Variants in PGBD5 observed in about 807,000 individuals in gnomAD.
PGBD5 encodes piggyBac transposable element derived 5, also known as piggyBac transposable element-derived protein 5.
Under a neutral mutation model 47.9 loss-of-function variants are expected in PGBD5, and 14 were observed. The observed-to-expected ratio is 0.29, with a 90% CI of 0.19 to 0.46. The LOEUF (loss-of-function observed/expected upper bound fraction) is 0.46, where lower values mean the gene tolerates loss of function less well. Ranked by LOEUF, PGBD5 falls within the 20% of genes least tolerant of loss-of-function variation. PGBD5 has a pLI of 1.00. For synonymous variants in PGBD5, 316 were observed against 306.3 expected (o/e 1.03, Z -0.33); for missense variants, 635 against 716.0 (o/e 0.89, Z 1.29).
chr1:230,403,357 A>C (rs1657190689), intron 1 of PGBD5, among the ~76,000 whole-genome samples: 1 of 152,226 alleles, frequency 6.6e-6, no homozygotes, highest in Non-Finnish European at 1.5e-5. Flanking sequence ...TATCTGAGTG[A>C]AGATGGTTGA....
At position 230,325,302 on chromosome 1, in the gene PGBD5, C is replaced by A; in HGVS notation, c.1379+8G>T. 1 of 1,605,866 alleles carries A rather than the reference C, an allele frequency of 6.2e-7. No homozygotes were observed. Among genetic ancestry groups the A allele is most frequent in the East Asian group, 2.2e-5 (1 of 44,588 alleles). On this transcript the variant is annotated splice_region_variant and intron_variant, in intron 6 of 6. Coordinates refer to ENST00000391860, the MANE Select transcript of PGBD5 (RefSeq NM_001258311.2). ...GCCCTTCTGTCATGGAGGTGCCCAG[C>A]CACTTACTTGCTGTATTTGTCATCG...
chr1:230,411,139 C>T lies in PGBD5; in HGVS notation c.331+14459G>A, dbSNP rs114777391. Among the ~76,000 whole-genome samples, 1,101 of 152,140 alleles carry T rather than the reference C, an allele frequency of 7.2e-3. 14 individuals are homozygous for T. The highest frequency in any genetic ancestry group is 0.025 in the African/African-American group (1,047 of 41,522). On this transcript the variant is annotated intron_variant, in intron 1 of 6. Transcript: ENST00000391860. ...AAAATTAAGGAAAAAAAAAATTAGT[C>T]AGGTATGGTGGCACACGCCTGTAGT... is the stretch of plus-strand genomic sequence containing the variant.
At chr1:230,344,439 T>A (rs1667448937) in intron 3 of PGBD5, among the ~76,000 whole-genome samples, 1 of 152,242 alleles carries the variant, frequency 6.6e-6, no homozygotes, top group African/African-American at 2.4e-5. Context: ...ACTTGCCTCT[T>A]AAGGCCCTTG....
chr1:230,405,533 T>C (rs1302648230), intron 1 of PGBD5, among the ~76,000 whole-genome samples: 2 of 152,268 alleles, frequency 1.3e-5, no homozygotes, highest in Non-Finnish European at 2.9e-5. Context: ...ATATTATTGG[T>C]AAAGCTTCCA....
chr1:230,397,713 A>T (rs1657035783), intron 1 of PGBD5, among the ~76,000 whole-genome samples: 1 of 152,210 alleles, frequency 6.6e-6, no homozygotes, highest in Non-Finnish European at 1.5e-5. Flanking sequence ...TAAGATGGTG[A>T]TCTCTTCCAC....
chr1:230,333,783 G>T (rs1480282857), intron 4 of PGBD5, among the ~76,000 whole-genome samples: 2 of 152,250 alleles, frequency 1.3e-5, no homozygotes, highest in Non-Finnish European at 2.9e-5. Flanking sequence ...GGTCTTTCAG[G>T]CCTGGAAGAC....
intron 1 of PGBD5, among the ~76,000 whole-genome samples, chr1:230,395,407 A>T (rs1350552916): frequency 2.0e-4 from 1 of 5,118 alleles, no homozygotes; most frequent in Non-Finnish European, 3.4e-4. Flanking sequence ...AGCTCCTCTC[A>T]CTCCCACCCT....
In PGBD5 at chr1:230,323,282, C is replaced by T; in HGVS notation, c.*143G>A. 1 of 888,544 alleles carries T rather than the reference C, an allele frequency of 1.1e-6. No individual in the cohort carries two copies. Among genetic ancestry groups the T allele is most frequent in the South Asian group, 1.7e-5 (1 of 57,820 alleles). The allele number at this position is 888,544 out of a possible 1,614,324, so 55.0% of individuals were successfully genotyped here. On this transcript the variant is annotated 3_prime_UTR_variant, in exon 7 of 7. Transcript: ENST00000391860. This position sits in a 1 kb window ranked among gnomAD's most constrained non-coding sequence, Gnocchi z 4.1. ...CAACCGTCCTCTGACCAGGTCCATCCTGTCCCTCCAGAGGCCCTGTGCATC... is the reference window on the plus strand; with the variant it reads ...CAACCGTCCTCTGACCAGGTCCATCTTGTCCCTCCAGAGGCCCTGTGCATC...
intron 1 of PGBD5, among the ~76,000 whole-genome samples, chr1:230,369,559 G>A (rs1347672698): frequency 6.6e-6 from 1 of 152,156 alleles, no homozygotes; most frequent in Non-Finnish European, 1.5e-5. Flanking sequence ...GCCCTGCTCT[G>A]ATTGACCCCA....
chr1:230,399,764 C>T (rs1321871536), intron 1 of PGBD5, among the ~76,000 whole-genome samples: 2 of 152,218 alleles, frequency 1.3e-5, no homozygotes, highest in African/African-American at 4.8e-5. Flanking sequence ...CAAAATGACG[C>T]CTATTTCTCC....
At chr1:230,422,740 CAG>C (rs2102757403) in intron 1 of PGBD5, among the ~76,000 whole-genome samples, 1 of 152,244 alleles carries the variant, frequency 6.6e-6, no homozygotes, top group African/African-American at 2.4e-5. Flanking sequence ...CGCTGAAAAA[CAG>C]AAGGAAAGGG....
chr1:230,335,758 T>TGC (rs1246086188), intron 4 of PGBD5, among the ~76,000 whole-genome samples: 18 of 388 alleles, frequency 0.046, 1 homozygote, highest in African/African-American at 0.098. Flanking sequence ...CACACACAGA[T>TGC]ACACAGATAC....
At chr1:230,324,600 A>G (rs1053320218) in intron 6 of PGBD5, among the ~76,000 whole-genome samples, 1 of 152,308 alleles carries the variant, frequency 6.6e-6, no homozygotes. Context: ...GGTTCAGTCA[A>G]TATCTGATTT....
At chr1:230,419,444 C>G (rs1269260952) in intron 1 of PGBD5, among the ~76,000 whole-genome samples, 1 of 151,980 alleles carries the variant, frequency 6.6e-6, no homozygotes. Context: ...GAAAAACTAC[C>G]CATTAGGTAC....
intron 1 of PGBD5, among the ~76,000 whole-genome samples, chr1:230,376,013 C>G (rs927649232): frequency 3.3e-5 from 5 of 151,900 alleles, no homozygotes; most frequent in South Asian, 2.1e-4. Context: ...GCTTGGGAAA[C>G]AGCAGCTATT....
intron 1 of PGBD5, among the ~76,000 whole-genome samples, chr1:230,399,545 C>T (rs1571859625): frequency 6.6e-6 from 1 of 152,182 alleles, no homozygotes; most frequent in East Asian, 1.9e-4. Flanking sequence ...TACATGCCAT[C>T]TCCTCGACAC....
At chr1:230,404,240 G>A (rs535262473) in intron 1 of PGBD5, among the ~76,000 whole-genome samples, 16 of 152,172 alleles carry the variant, frequency 1.1e-4, no homozygotes, top group Admixed American at 7.2e-4. Context: ...AGCTACTCAG[G>A]GGCAGAGACA....
intron 1 of PGBD5, among the ~76,000 whole-genome samples, chr1:230,404,842 T>C (rs1272625007): frequency 1.3e-5 from 2 of 149,676 alleles, no homozygotes; most frequent in African/African-American, 4.9e-5. Context: ...GGAAAATTGC[T>C]TGAACCAGGG....
chr1:230,362,832 T>C (rs1306649077), intron 1 of PGBD5, among the ~76,000 whole-genome samples: 5 of 152,042 alleles, frequency 3.3e-5, no homozygotes, highest in Admixed American at 2.0e-4. Context: ...GTGGGAAGCA[T>C]TGGGTCTCTA....
Sources: allele counts gnomAD v4.1 joint callset (sites outside exome capture counted in the v4.1 genomes callset), GRCh38; gene constraint gnomAD v4.1.1; non-coding constraint Gnocchi (gnomAD v3.1); transcripts MANE v1.5; gene names NCBI Gene and HGNC (gene_info 2026-07-23, HGNC 2026-07-21).